IL1RAPL2: variants seen among roughly 807,000 people sequenced by gnomAD.
The protein encoded by IL1RAPL2 is X-linked interleukin-1 receptor accessory protein-like 2.
IL1RAPL2 carries 3 observed loss-of-function variants against 44.1 expected under a neutral mutation model. The ratio of observed to expected loss-of-function variants is 0.07; its 90% confidence interval spans 0.03 to 0.18. The LOEUF is 0.18. Among genes scored for constraint, IL1RAPL2 ranks in the 10% least tolerant of loss-of-function variants. The probability of loss-of-function intolerance (pLI) is 1.00; values close to 1 mark genes in which losing one functional copy is unlikely to be tolerated. For synonymous variants in IL1RAPL2, 181 were observed against 178.8 expected, an observed-to-expected ratio of 1.01 and a Z score of -0.10; for missense variants, 391 against 496.4, an observed-to-expected ratio of 0.79 and a Z score of 2.02.
At chrX:105,615,688 C>T (rs1327308338) in intron 6 of IL1RAPL2, among the ~76,000 whole-genome samples, 3 of 111,570 alleles carry the variant, frequency 2.7e-5, no homozygotes, top group African/African-American at 6.5e-5. Flanking sequence ...GTCTGAGAAA[C>T]GTAGTGAGGG....
chrX:105,444,808 G>A (rs111720606), intron 5 of IL1RAPL2, among the ~76,000 whole-genome samples: 5,982 of 110,413 alleles, frequency 0.054, 183 homozygotes, highest in Middle Eastern at 0.14. Context: ...CCACCCTGTT[G>A]AGGATTTTTG....
intron 1 of IL1RAPL2, among the ~76,000 whole-genome samples, chrX:104,582,773 T>C (rs768832782): frequency 3.2e-4 from 32 of 99,855 alleles, no homozygotes; most frequent in Non-Finnish European, 6.0e-4. Flanking sequence ...TCTTTTTTCT[T>C]TCTCTCTCTC....
chrX:105,522,730 T>C (rs768248267), intron 6 of IL1RAPL2, among the ~76,000 whole-genome samples: 1 of 112,162 alleles, frequency 8.9e-6, no homozygotes, highest in South Asian at 3.7e-4. Context: ...AGTTTACGTA[T>C]TTTATTTCTA....
At chrX:104,906,264 A>C (rs989781713) in intron 2 of IL1RAPL2, among the ~76,000 whole-genome samples, 2 of 111,117 alleles carry the variant, frequency 1.8e-5, no homozygotes, top group Non-Finnish European at 3.8e-5. Flanking sequence ...GGACAATTTG[A>C]CTTCCTCTTT....
intron 5 of IL1RAPL2, among the ~76,000 whole-genome samples, chrX:105,471,957 G>T (rs1192055248): frequency 1.8e-5 from 2 of 110,790 alleles, no homozygotes; most frequent in Non-Finnish European, 3.8e-5. Flanking sequence ...TTTGTCATAA[G>T]CTCAGAGCAG....
At chrX:105,068,760 GGTA>G (rs755028224) in intron 2 of IL1RAPL2, among the ~76,000 whole-genome samples, 12 of 111,772 alleles carry the variant, frequency 1.1e-4, no homozygotes, top group Non-Finnish European at 1.9e-4. Flanking sequence ...GTTCTAAAAA[GGTA>G]GTCTATTTCA....
At chrX:105,681,201 C>T (rs182556331) in intron 6 of IL1RAPL2, among the ~76,000 whole-genome samples, 15 of 111,074 alleles carry the variant, frequency 1.4e-4, no homozygotes, top group South Asian at 7.7e-4. Context: ...GTTTTCATGA[C>T]CCTCTTTGGA....
At chrX:104,585,354 A>ATATAATATATATAATATAT (rs1928528408) in intron 1 of IL1RAPL2, among the ~76,000 whole-genome samples, 1 of 12,151 alleles carries the variant, frequency 8.2e-5, no homozygotes, top group African/African-American at 4.4e-4. Context: ...TATATATATT[A>ATATAATATATATAATATAT]TATATATTAT....
chrX:105,385,824 C>G (rs951887709), intron 5 of IL1RAPL2, among the ~76,000 whole-genome samples: 1 of 111,118 alleles, frequency 9.0e-6, no homozygotes. Context: ...AATTTGAAGA[C>G]AAATCCCTTC....
intron 2 of IL1RAPL2, among the ~76,000 whole-genome samples, chrX:105,007,480 A>T (rs926591710): frequency 2.7e-5 from 3 of 111,475 alleles, no homozygotes; most frequent in African/African-American, 9.7e-5. Context: ...TCGAAGTATA[A>T]CTTCTTTGGG....
At chrX:105,503,434 C>A (rs2036410152) in intron 6 of IL1RAPL2, among the ~76,000 whole-genome samples, 1 of 111,481 alleles carries the variant, frequency 9.0e-6, no homozygotes, top group South Asian at 3.8e-4. Flanking sequence ...TCTTGGTAGA[C>A]CAGAATTTCC....
chrX:104,987,007 T>C (rs1369989867), intron 2 of IL1RAPL2, among the ~76,000 whole-genome samples: 2 of 112,508 alleles, frequency 1.8e-5, no homozygotes, highest in African/African-American at 6.5e-5. Flanking sequence ...GCACTAATGT[T>C]AATACAATGC....
At chrX:104,628,069 A>C (rs1929553055) in intron 1 of IL1RAPL2, among the ~76,000 whole-genome samples, 1 of 111,650 alleles carries the variant, frequency 9.0e-6, no homozygotes, top group African/African-American at 3.2e-5. Flanking sequence ...CATGATACAT[A>C]ATATTTTTAC....
chrX:104,606,329 AAG>A (rs1236047175), intron 1 of IL1RAPL2, among the ~76,000 whole-genome samples: 1 of 111,818 alleles, frequency 8.9e-6, no homozygotes, highest in Non-Finnish European at 1.9e-5. Context: ...ACAAAATAAT[AAG>A]AGCTATTTAT....
At chrX:105,345,639 C>T (rs754198491) in intron 5 of IL1RAPL2, among the ~76,000 whole-genome samples, 2 of 111,446 alleles carry the variant, frequency 1.8e-5, no homozygotes, top group Admixed American at 9.6e-5. Flanking sequence ...ACTTTTCTTG[C>T]TCTGAGCATG....
intron 2 of IL1RAPL2, among the ~76,000 whole-genome samples, chrX:104,896,813 ACACT>A (rs1923663308): frequency 9.0e-6 from 1 of 111,360 alleles, no homozygotes; most frequent in Admixed American, 9.6e-5. Flanking sequence ...ATGAGCTGTA[ACACT>A]CACTGCGAAG....
intron 5 of IL1RAPL2, among the ~76,000 whole-genome samples, chrX:105,463,608 G>A (rs987720951): frequency 2.8e-5 from 3 of 106,011 alleles, no homozygotes; most frequent in Admixed American, 1.0e-4. Flanking sequence ...ACACATGCAC[G>A]CATACACTTG....
chrX:105,388,078 G>T (rs1397444171), intron 5 of IL1RAPL2, among the ~76,000 whole-genome samples: 1 of 92,968 alleles, frequency 1.1e-5, no homozygotes, highest in African/African-American at 4.2e-5. Flanking sequence ...AACCCAGAAG[G>T]CAGAGGTTGC....
intron 1 of IL1RAPL2, among the ~76,000 whole-genome samples, chrX:104,613,601 C>T (rs1929209188): frequency 9.0e-6 from 1 of 110,993 alleles, no homozygotes; most frequent in Non-Finnish European, 1.9e-5. Context: ...AGTCAAAGTT[C>T]ATCAGGGATA....
Sources: allele counts gnomAD v4.1 joint callset (sites outside exome capture counted in the v4.1 genomes callset), GRCh38; gene constraint gnomAD v4.1.1; transcripts MANE v1.5; gene names NCBI Gene and HGNC (gene_info 2026-07-23, HGNC 2026-07-21).